Variants in KLF12 observed in about 807,000 individuals in gnomAD.
KLF12 encodes the protein Krueppel-like factor 12.
Under a neutral mutation model 37.8 loss-of-function variants are expected in KLF12, and 9 were observed. The ratio of observed to expected loss-of-function variants is 0.24; its 90% CI spans 0.14 to 0.42. KLF12 has a LOEUF of 0.42. Among genes scored for constraint, KLF12 ranks in the 10% least tolerant of loss-of-function variants. The pLI is 1.00. For missense variants in KLF12, 411 were observed against 516.0 expected (o/e 0.80, Z 1.97); for synonymous variants, 208 against 202.1 (o/e 1.03, Z -0.25).
At chr13:73,815,496 T>A (rs1418165217) in intron 4 of KLF12, among the ~76,000 whole-genome samples, 1 of 152,200 alleles carries the variant, frequency 6.6e-6, no homozygotes. Flanking sequence ...AGCTAGGAAC[T>A]CATAGATAGC....
intron 4 of KLF12, among the ~76,000 whole-genome samples, chr13:73,837,107 G>A (rs1884475377): frequency 6.6e-6 from 1 of 152,042 alleles, no homozygotes; most frequent in African/African-American, 2.4e-5. Context: ...GATCCGTCCT[G>A]GGTATCCATA....
At chr13:73,980,701 A>AGTCCAAATAATCAATAAAC in intron 2 of KLF12, among the ~76,000 whole-genome samples, 1 of 152,252 alleles carries the variant, frequency 6.6e-6, no homozygotes, top group South Asian at 2.1e-4. Context: ...AAGAAGCTGA[A>AGTCCAAATAATCAATAAAC]GTCCAAATAA....
the KLF12 span, among the ~76,000 whole-genome samples, chr13:74,220,981 C>G: frequency 6.6e-6 from 1 of 151,050 alleles, no homozygotes; most frequent in African/African-American, 2.4e-5. Flanking sequence ...ATATATATCA[C>G]TTAGTCTTTT....
chr13:73,947,989 C>A (rs955810775), intron 2 of KLF12, among the ~76,000 whole-genome samples: 1 of 152,140 alleles, frequency 6.6e-6, no homozygotes, highest in South Asian at 2.1e-4. Flanking sequence ...AACAAGGGTT[C>A]CTGTCATAAG....
chr13:73,968,826 C>A (rs1190591307), intron 2 of KLF12, among the ~76,000 whole-genome samples: 1 of 152,132 alleles, frequency 6.6e-6, no homozygotes, highest in Admixed American at 6.5e-5. Context: ...TCTTCTCCCT[C>A]GACACGTTGA....
At chr13:73,912,442 G>C (rs1421805298) in intron 3 of KLF12, among the ~76,000 whole-genome samples, 1 of 152,154 alleles carries the variant, frequency 6.6e-6, no homozygotes, top group Non-Finnish European at 1.5e-5. Context: ...GGAAGACGGT[G>C]GGCCCTGAAT....
intron 1 of KLF12, among the ~76,000 whole-genome samples, chr13:74,131,265 T>C (rs1878247938): frequency 6.6e-6 from 1 of 152,132 alleles, no homozygotes; most frequent in Admixed American, 6.5e-5. Context: ...TCAGGGAAAA[T>C]ATCCCTGAGC....
chr13:74,134,831 ACC>A (rs1273931588), upstream of KLF12, among the ~76,000 whole-genome samples: 1 of 150,896 alleles, frequency 6.6e-6, no homozygotes, highest in Non-Finnish European at 1.5e-5. Flanking sequence ...TTGGGCCCCC[ACC>A]CCTCGCCGCA....
At chr13:73,735,114 C>G (rs543689165) in intron 6 of KLF12, among the ~76,000 whole-genome samples, 10 of 130,086 alleles carry the variant, frequency 7.7e-5, no homozygotes, top group Admixed American at 2.7e-4. Flanking sequence ...ATAGCAAGTT[C>G]TCACCTCTAC....
At chr13:73,833,831 G>A (rs1350808182) in intron 4 of KLF12, among the ~76,000 whole-genome samples, 1 of 152,046 alleles carries the variant, frequency 6.6e-6, no homozygotes, top group Non-Finnish European at 1.5e-5. Flanking sequence ...GAGGACGTGC[G>A]GAGGCTTGCT....
At chr13:73,965,669 C>A (rs999959881) in intron 2 of KLF12, among the ~76,000 whole-genome samples, 3 of 152,186 alleles carry the variant, frequency 2.0e-5, no homozygotes, top group Non-Finnish European at 4.4e-5. Flanking sequence ...TAACTGCACA[C>A]TGCTCCAAAA....
chr13:74,157,105 C>G, the KLF12 span, among the ~76,000 whole-genome samples: 1 of 152,154 alleles, frequency 6.6e-6, no homozygotes, highest in African/African-American at 2.4e-5. Flanking sequence ...AGGGGACTTT[C>G]TATATCAACG....
intron 1 of KLF12, among the ~76,000 whole-genome samples, chr13:74,093,374 A>G (rs1875788614): frequency 6.6e-6 from 1 of 152,208 alleles, no homozygotes. Context: ...TTTATGTTAG[A>G]CAGATCTTTT....
chr13:74,199,813 A>C, the KLF12 span, among the ~76,000 whole-genome samples: 1 of 152,074 alleles, frequency 6.6e-6, no homozygotes, highest in Non-Finnish European at 1.5e-5. Flanking sequence ...TGGGCTTCCC[A>C]AAAAAATGGG....
At chr13:74,194,483 C>T in the KLF12 span, among the ~76,000 whole-genome samples, 9 of 152,274 alleles carry the variant, frequency 5.9e-5, no homozygotes, top group African/African-American at 1.2e-4. Flanking sequence ...AGGGGAGGAA[C>T]ACTGAGTCCT....
At chr13:73,974,116 A>T (rs1301387480) in intron 2 of KLF12, among the ~76,000 whole-genome samples, 2 of 152,178 alleles carry the variant, frequency 1.3e-5, no homozygotes, top group African/African-American at 2.4e-5. Flanking sequence ...GATAAGAGGC[A>T]CAAAGAACAA....
chr13:74,238,947 C>G, the KLF12 span, among the ~76,000 whole-genome samples: 1 of 149,768 alleles, frequency 6.7e-6, no homozygotes, highest in Admixed American at 6.6e-5. Flanking sequence ...TCCTTCAGTT[C>G]TGCTCTGATT....
upstream of KLF12, among the ~76,000 whole-genome samples, chr13:74,134,469 A>AT (rs1878453855): frequency 6.6e-6 from 1 of 151,712 alleles, no homozygotes; most frequent in Non-Finnish European, 1.5e-5. Context: ...GGCAACACCC[A>AT]CTGCCCGGCC....
At chr13:74,055,695 T>G (rs1873206849) in intron 1 of KLF12, among the ~76,000 whole-genome samples, 1 of 152,142 alleles carries the variant, frequency 6.6e-6, no homozygotes, top group Non-Finnish European at 1.5e-5. Flanking sequence ...AAATTTTCCC[T>G]GTAACACTGG....
Sources: gnomAD v4.1 joint callset for allele counts (sites outside exome capture counted in the v4.1 genomes callset) on GRCh38, gnomAD v4.1.1 for gene constraint, MANE v1.5 for transcripts, NCBI Gene and HGNC (gene_info 2026-07-23, HGNC 2026-07-21) for gene names.